SLIT1: variants seen among roughly 807,000 people sequenced by gnomAD.
SLIT1 encodes the protein slit guidance ligand 1.
Under a neutral mutation model 186.1 loss-of-function variants are expected in SLIT1, and 66 were observed. That is an observed-to-expected ratio of 0.35 (90% confidence interval 0.29 to 0.44). The LOEUF is 0.44. Among genes scored for constraint, SLIT1 ranks in the 20% least tolerant of loss-of-function variants. The pLI, the probability that SLIT1 is intolerant of heterozygous loss-of-function variation, is 1.00. For missense variants in SLIT1, 1,638 were observed against 2,037.4 expected (o/e 0.80, Z 3.77); for synonymous variants, 761 against 833.8 (o/e 0.91, Z 1.50).
chr10:97,003,368 G>A lies in SLIT1; in HGVS notation c.3866-376C>T, dbSNP rs569176913. ...CAAAGGGGCAGGACCGAGACATCAC[G>A]TGTGGCGCTAGGTCACTGCTTTTGT... On this transcript the variant is annotated intron_variant, in intron 34 of 36. Transcript: ENST00000266058. Among the ~76,000 whole-genome samples, 6 of 152,372 alleles carry A rather than the reference G, an allele frequency of 3.9e-5. No individual in the cohort carries two copies. The East Asian group carries it at 1.2e-3, about 29-fold the overall frequency.
At chr10:97,053,526 C>A (rs142382016) in intron 13 of SLIT1, among the ~76,000 whole-genome samples, 430 of 152,272 alleles carry the variant, frequency 2.8e-3, no homozygotes, top group South Asian at 5.4e-3. Context: ...CTGTTTGGAA[C>A]CTATCCCAAT....
intron 13 of SLIT1, among the ~76,000 whole-genome samples, chr10:97,050,197 CAA>C (rs1164524435): frequency 1.3e-5 from 2 of 152,224 alleles, no homozygotes; most frequent in Non-Finnish European, 2.9e-5. Context: ...CAGGCCAACT[CAA>C]AGAGACTTGC....
chr10:97,021,374 G>T lies in SLIT1; in HGVS notation c.2622C>A (p.Leu874=). 2 of 1,614,146 alleles carry T rather than the reference G, an allele frequency of 1.2e-6. No individual in the cohort carries two copies. Among genetic ancestry groups the T allele is most frequent in the Non-Finnish European group, 1.7e-6 (2 of 1,180,016 alleles). ...TCTTCACCCAGCTGGACAGCCAGCGGAGGTGGCAGTCACAGTATAGGGGGT... is the reference window on the plus strand; with the variant it reads ...TCTTCACCCAGCTGGACAGCCAGCGTAGGTGGCAGTCACAGTATAGGGGGT... ...GANPLYCDCH[L]RWLSSWVKTG... The change falls in exon 26 of 37, where the codon CTC becomes CTA. Residue 874 remains leucine, a synonymous_variant. Coordinates refer to ENST00000266058, the MANE Select transcript of SLIT1 (RefSeq NM_003061.3). The surrounding 1 kb of genome is among the most constrained non-coding windows in gnomAD (Gnocchi z 4.5).
rs117745291 is a variant in SLIT1, at chr10:97,122,265, C to T, written c.413+35553G>A. Among the ~76,000 whole-genome samples, 8 of 152,292 alleles carry T rather than the reference C, an allele frequency of 5.3e-5. No homozygotes were observed. In the East Asian group the frequency reaches 1.3e-3, roughly 26 times the overall value. On this transcript the variant is annotated intron_variant, in intron 4 of 36. Coordinates refer to ENST00000266058, the MANE Select transcript of SLIT1 (RefSeq NM_003061.3). ...AACTGAAACCCTGTTTTCAAGTAAACAATAATCAGAAGGGAAGATGATTCT... is the reference window on the plus strand; with the variant it reads ...AACTGAAACCCTGTTTTCAAGTAAATAATAATCAGAAGGGAAGATGATTCT...
At chr10:97,141,920 C>T (rs1310890914) in intron 4 of SLIT1, among the ~76,000 whole-genome samples, 1 of 152,110 alleles carries the variant, frequency 6.6e-6, no homozygotes, top group Non-Finnish European at 1.5e-5. Context: ...AGCCCTCCAG[C>T]CTCCCAGTAG....
At chr10:97,183,232 C>G (rs1390136670) in intron 1 of SLIT1, among the ~76,000 whole-genome samples, 2 of 152,212 alleles carry the variant, frequency 1.3e-5, no homozygotes, top group Non-Finnish European at 2.9e-5. Flanking sequence ...ATTAGAGGTC[C>G]TCTGCCCAGT....
At chr10:97,102,590 T>C (rs918460465) in intron 4 of SLIT1, 1 of 152,256 alleles carries the variant, frequency 6.6e-6, no homozygotes, top group Non-Finnish European at 1.5e-5. Context: ...AGGATGTGTG[T>C]GTGACATGCT....
intron 23 of SLIT1, among the ~76,000 whole-genome samples, chr10:97,031,933 T>C (rs1000699033): frequency 6.6e-6 from 1 of 152,250 alleles, no homozygotes; most frequent in Non-Finnish European, 1.5e-5. Flanking sequence ...GCCAACTCCA[T>C]AGGGCTGTCC....
At chr10:97,152,824 C>A (rs1589413110) in intron 4 of SLIT1, among the ~76,000 whole-genome samples, 2 of 152,286 alleles carry the variant, frequency 1.3e-5, no homozygotes, top group East Asian at 3.9e-4. Context: ...GTCATATTGT[C>A]AATGCAGTTT....
chr10:97,170,391 C>T (rs1244597114), intron 1 of SLIT1, among the ~76,000 whole-genome samples: 1 of 152,258 alleles, frequency 6.6e-6, no homozygotes, highest in East Asian at 1.9e-4. Context: ...CTCTCTACAG[C>T]AGTATTACCT....
rs1849292007 is a variant in SLIT1 at position 97,096,536 on chromosome 10, C to T, written c.414-30450G>A. Among the ~76,000 whole-genome samples the T allele has an allele frequency of 1.3e-5, 2 of 152,138 alleles. 1 individual carries two copies. Among genetic ancestry groups the T allele is most frequent in the South Asian group, 4.1e-4 (2 of 4,824 alleles). ...TTACACTCCCTCATGATTATCAGCT[C>T]GAAGCTTCCAGCAGCCAAGCTAAAA... On this transcript the variant is annotated intron_variant, in intron 4 of 36. Coordinates refer to ENST00000266058, the MANE Select transcript of SLIT1 (RefSeq NM_003061.3).
At chr10:97,113,419 A>G (rs1353485162) in intron 4 of SLIT1, among the ~76,000 whole-genome samples, 14 of 150,338 alleles carry the variant, frequency 9.3e-5, no homozygotes, top group Admixed American at 9.3e-4. Flanking sequence ...TGTATTTTTA[A>G]TAGAGAGGGG....
intron 7 of SLIT1, 88 bp from the exon 8 acceptor site, chr10:97,063,706 C>A: frequency 1.4e-6 from 2 of 1,401,454 alleles, no homozygotes; most frequent in South Asian, 1.4e-5. Flanking sequence ...AGGAGGCTGC[C>A]CCCGGTGCTG....
intron 4 of SLIT1, among the ~76,000 whole-genome samples, chr10:97,087,303 C>G (rs899051760): frequency 1.3e-5 from 2 of 152,116 alleles, no homozygotes; most frequent in Non-Finnish European, 1.5e-5. Context: ...GGTCCACAGC[C>G]CCAGAAGGAA....
chr10:97,084,255 T>C (rs867057634), intron 4 of SLIT1, among the ~76,000 whole-genome samples: 4 of 152,310 alleles, frequency 2.6e-5, no homozygotes, highest in Middle Eastern at 3.4e-3. Context: ...TTCTAGAGAA[T>C]AGCTCCCACA....
intron 30 of SLIT1, among the ~76,000 whole-genome samples, chr10:97,011,708 A>G (rs766758129): frequency 2.0e-5 from 3 of 152,152 alleles, no homozygotes; most frequent in Non-Finnish European, 4.4e-5. Context: ...CTGCCTATCA[A>G]ATAAATAAAG....
intron 1 of SLIT1, among the ~76,000 whole-genome samples, chr10:97,174,242 G>T (rs536031745): frequency 6.6e-6 from 1 of 152,346 alleles, no homozygotes; most frequent in South Asian, 2.1e-4. Flanking sequence ...GCCACAGCTG[G>T]TTTGCTCACT....
chr10:97,164,744 C>A (rs934865549), intron 2 of SLIT1, 75 bp downstream of exon 2: 4 of 1,160,258 alleles, frequency 3.4e-6, no homozygotes, highest in Admixed American at 3.4e-5. Flanking sequence ...CACCCTACCA[C>A]CCACAGCCAG....
chr10:97,102,484 G>A (rs967818165), intron 4 of SLIT1: 7 of 151,256 alleles, frequency 4.6e-5, no homozygotes, highest in African/African-American at 1.7e-4. Context: ...GAGGCACTGC[G>A]GGGAGGCACT....
Sources: allele counts gnomAD v4.1 joint callset (sites outside exome capture counted in the v4.1 genomes callset), GRCh38; gene constraint gnomAD v4.1.1; non-coding constraint Gnocchi (gnomAD v3.1); transcripts MANE v1.5; gene names NCBI Gene and HGNC (gene_info 2026-07-23, HGNC 2026-07-21).